Variants in RASA3 observed in about 807,000 individuals in gnomAD.
RASA3 encodes the protein ras GTPase-activating protein 3.
Under a neutral mutation model 110.0 loss-of-function variants are expected in RASA3, and 73 were observed. The ratio of observed to expected loss-of-function variants is 0.66; its 90% confidence interval spans 0.55 to 0.81. RASA3 has a LOEUF of 0.81. RASA3 is among the 30% of genes least tolerant of loss of function. RASA3 has a pLI of 0.00. For missense variants in RASA3, 976 were observed against 1,113.2 expected (o/e 0.88, Z 1.75); for synonymous variants, 500 against 451.4 (o/e 1.11, Z -1.37).
At chr13:114,060,199 G>A (rs1223116520) in intron 2 of RASA3, among the ~76,000 whole-genome samples, 1 of 152,252 alleles carries the variant, frequency 6.6e-6, no homozygotes, top group Non-Finnish European at 1.5e-5. Context: ...GGCCTGGGCA[G>A]GGCACGGCAG....
chr13:114,063,361 T>C (rs2079393537), intron 2 of RASA3, among the ~76,000 whole-genome samples: 1 of 149,974 alleles, frequency 6.7e-6, no homozygotes, highest in African/African-American at 2.4e-5. Flanking sequence ...ATTTATAACA[T>C]AAATACAATA....
chr13:114,010,418 C>T (rs553469650), intron 16 of RASA3, among the ~76,000 whole-genome samples: 12 of 152,086 alleles, frequency 7.9e-5, no homozygotes, highest in East Asian at 3.9e-4. Context: ...GCCCCCGGGA[C>T]GCCTCAAACG....
Position 114,007,441 on chromosome 13 carries a change from CACCACCTTACCCTTCTCCCCTCCT to C in RASA3, c.1742+68_1742+91del, listed in dbSNP as rs1285204885. 2.0e-3 allele frequency: 612 copies of C among 305,978 alleles called. 82 individuals are homozygous for C. The highest frequency in any genetic ancestry group is 2.5e-3 in the East Asian group (30 of 11,890). The allele number at this position is 305,978 out of a possible 1,614,324, so 19.0% of individuals were successfully genotyped here. On this transcript the variant is annotated intron_variant, in intron 18 of 23. Coordinates refer to ENST00000334062, the MANE Select transcript of RASA3 (RefSeq NM_007368.4). ...CCTTCTCCCCTCCTGCCCTGCCGGA[CACCACCTTACCCTTCTCCCCTCCT>C]GCCCTGCTGGACACCACCTTACCCT...
At chr13:114,032,295 C>G (rs192575377) in intron 4 of RASA3, among the ~76,000 whole-genome samples, 52 of 152,286 alleles carry the variant, frequency 3.4e-4, no homozygotes, top group Non-Finnish European at 2.8e-4. Context: ...AGCCAACATT[C>G]TTTTCTGCTG....
chr13:114,095,182 T>TA (rs2079927771), intron 1 of RASA3, among the ~76,000 whole-genome samples: 1 of 152,260 alleles, frequency 6.6e-6, no homozygotes, highest in Admixed American at 6.5e-5. Context: ...ATGACTTGGC[T>TA]ACCTATCATC....
intron 1 of RASA3, among the ~76,000 whole-genome samples, chr13:114,125,452 G>A (rs71449087): frequency 6.6e-6 from 1 of 152,222 alleles, no homozygotes; most frequent in African/African-American, 2.4e-5. Flanking sequence ...CGCGAGGTGG[G>A]AGGTGTGCCA....
chr13:114,075,059 G>A (rs1192281237), intron 1 of RASA3, among the ~76,000 whole-genome samples: 2 of 152,146 alleles, frequency 1.3e-5, no homozygotes, highest in Admixed American at 6.5e-5. Flanking sequence ...TGGCAGTGGC[G>A]TCTCCACGAC....
intron 1 of RASA3, among the ~76,000 whole-genome samples, chr13:114,117,399 G>A (rs80134071): frequency 0.11 from 15,953 of 141,472 alleles, 1,093 homozygotes; most frequent in Middle Eastern, 0.19. Context: ...TGTGAGGGGA[G>A]CACGTCTGTG....
rs546475807 is a variant in RASA3 at position 113,978,533 on chromosome 13, A to G, written c.*814T>C. On this transcript the variant is annotated 3_prime_UTR_variant, in exon 24 of 24. Coordinates refer to ENST00000334062, the MANE Select transcript of RASA3 (RefSeq NM_007368.4). ...TACATTTCTATTTTTAAAATCTTCA[A>G]ACTTCCACGGGGGGTGGCAAATGTT... 1.3e-5 allele frequency: 2 copies of G among 152,204 alleles called. No individual in the cohort carries two copies. Among genetic ancestry groups the G allele is most frequent in the South Asian group, 2.1e-4 (1 of 4,834 alleles). The allele number at this position is 152,204 out of a possible 1,614,324, so 9.4% of individuals were successfully genotyped here.
At chr13:114,045,733 A>G (rs1000633851) in intron 3 of RASA3, among the ~76,000 whole-genome samples, 1 of 152,262 alleles carries the variant, frequency 6.6e-6, no homozygotes, top group Non-Finnish European at 1.5e-5. Context: ...TTGTACATAC[A>G]AGCAATGACC....
At chr13:114,023,546 T>C (rs1005900696) in intron 8 of RASA3, among the ~76,000 whole-genome samples, 3 of 152,200 alleles carry the variant, frequency 2.0e-5, no homozygotes, top group Admixed American at 6.5e-5. Flanking sequence ...TCCAGCTTAT[T>C]TTCACTGGGA....
At position 114,056,513 on chromosome 13, in the gene RASA3, G is replaced by A. The variant is rs746177088; in HGVS notation, c.174-4358C>T. ...GCGTCCCTGGGCGCTGCCCGGTAGC[G>A]GGGTGTTCAGTTGCTCTGCCAAAGG... is the stretch of plus-strand genomic sequence containing the variant. On this transcript the variant is annotated intron_variant, in intron 2 of 23. Coordinates refer to ENST00000334062, the MANE Select transcript of RASA3 (RefSeq NM_007368.4). This position sits in a 1 kb window ranked among gnomAD's most constrained non-coding sequence, Gnocchi z 5.7. 52 of 985,166 alleles carry A rather than the reference G, an allele frequency of 5.3e-5. No individual in the cohort carries two copies. In the Admixed American group the frequency reaches 5.5e-4, roughly 10 times the overall value. 61.0% of individuals were successfully genotyped at this position (985,166 alleles called of 1,614,324 possible). A position where few individuals can be genotyped will look rare whatever the true frequency, so the allele number is the denominator to read the frequency against.
chr13:114,018,926 G>A lies in RASA3; in HGVS notation c.786-7C>T, dbSNP rs2053854901. On this transcript the variant is annotated splice_region_variant and splice_polypyrimidine_tract_variant and intron_variant, in intron 9 of 23. Transcript: ENST00000334062. ...CCGGGGCTGGAGGAAGTACCTGGGT[G>A]GGAGGGACACATGGAGGGGAGGCAT... is the stretch of plus-strand genomic sequence containing the variant. 1.9e-6 allele frequency: 3 copies of A among 1,613,244 alleles called. No homozygotes were observed. In the South Asian group the frequency reaches 3.3e-5, roughly 18 times the overall value.
chr13:114,049,093 G>A (rs1189341657), intron 3 of RASA3, among the ~76,000 whole-genome samples: 2 of 151,836 alleles, frequency 1.3e-5, no homozygotes, highest in Non-Finnish European at 2.9e-5. Flanking sequence ...CTCACTCCTG[G>A]ACCTGAACTT....
intron 19 of RASA3, 75 bp from the exon 20 acceptor site, chr13:113,999,742 T>C: frequency 9.6e-7 from 1 of 1,043,676 alleles, no homozygotes; most frequent in Non-Finnish European, 1.4e-6. Context: ...CTGAGGGGTC[T>C]CTGCCGGGGG....
chr13:114,105,008 C>T (rs1367164166), intron 1 of RASA3, among the ~76,000 whole-genome samples: 2 of 152,026 alleles, frequency 1.3e-5, no homozygotes, highest in African/African-American at 2.4e-5. Flanking sequence ...CCCCCGAGCC[C>T]AGCTTCCATC....
chr13:114,077,646 G>A (rs1365334205), intron 1 of RASA3, among the ~76,000 whole-genome samples: 1 of 123,646 alleles, frequency 8.1e-6, no homozygotes, highest in Non-Finnish European at 1.7e-5. Context: ...CCAACGCACC[G>A]GATTCATCCC....
intron 3 of RASA3, among the ~76,000 whole-genome samples, chr13:114,045,769 T>C (rs991664582): frequency 6.6e-6 from 1 of 152,212 alleles, no homozygotes; most frequent in Non-Finnish European, 1.5e-5. Flanking sequence ...AAACAGCACC[T>C]TTCACAAAAT....
intron 22 of RASA3, among the ~76,000 whole-genome samples, chr13:113,989,626 C>T (rs1271843676): frequency 1.3e-5 from 2 of 150,878 alleles, no homozygotes; most frequent in African/African-American, 2.4e-5. Flanking sequence ...CCCTGTCCAT[C>T]CATCCATCAC....
Sources: allele counts gnomAD v4.1 joint callset (sites outside exome capture counted in the v4.1 genomes callset), GRCh38; gene constraint gnomAD v4.1.1; non-coding constraint Gnocchi (gnomAD v3.1); transcripts MANE v1.5; gene names NCBI Gene and HGNC (gene_info 2026-07-23, HGNC 2026-07-21).